FCHO2: variants seen among roughly 807,000 people sequenced by gnomAD.
FCHO2 encodes the protein FCH and mu domain containing endocytic adaptor 2.
In FCHO2, 43 loss-of-function variants were observed where a neutral mutation model predicts 114.1. That is an observed-to-expected ratio of 0.38 (90% confidence interval 0.30 to 0.49). FCHO2 has a LOEUF of 0.49. Among genes scored for constraint, FCHO2 ranks in the 20% least tolerant of loss-of-function variants. The pLI is 0.97. For missense variants in FCHO2, 807 were observed against 950.4 expected (o/e 0.85, Z 1.98); for synonymous variants, 293 against 315.2 (o/e 0.93, Z 0.75).
chr5:73,029,854 C>A (rs925897159), intron 8 of FCHO2, among the ~76,000 whole-genome samples: 1 of 152,124 alleles, frequency 6.6e-6, no homozygotes, highest in Admixed American at 6.5e-5. Flanking sequence ...ATGAAAGATC[C>A]TCCTGCATGA....
At chr5:72,963,613 A>T (rs1468220593) in intron 1 of FCHO2, among the ~76,000 whole-genome samples, 1 of 151,818 alleles carries the variant, frequency 6.6e-6, no homozygotes, top group East Asian at 1.9e-4. Flanking sequence ...CCCCATCACC[A>T]TCATAGCTCA....
chr5:73,032,012 A>G (rs1040736371), intron 8 of FCHO2, among the ~76,000 whole-genome samples: 9 of 152,252 alleles, frequency 5.9e-5, no homozygotes, highest in Non-Finnish European at 1.0e-4. Flanking sequence ...AAATAGCAGA[A>G]TGATGGGCAG....
intron 22 of FCHO2, among the ~76,000 whole-genome samples, chr5:73,078,823 T>G (rs1742999664): frequency 1.3e-5 from 2 of 152,216 alleles, no homozygotes; most frequent in South Asian, 2.1e-4. Context: ...GGTGGTCAGT[T>G]TAGTAATTAA....
At chr5:72,974,889 G>A (rs1752772260) in intron 2 of FCHO2, among the ~76,000 whole-genome samples, 1 of 152,022 alleles carries the variant, frequency 6.6e-6, no homozygotes, top group South Asian at 2.1e-4. Context: ...GCTCTTGTAG[G>A]GCAGGCCTGC....
chr5:73,029,787 TG>T (rs1293809482), intron 8 of FCHO2, among the ~76,000 whole-genome samples: 3 of 152,018 alleles, frequency 2.0e-5, no homozygotes, highest in African/African-American at 4.8e-5. Context: ...CCAGATCTTG[TG>T]TGAAATAACT....
chr5:73,011,783 C>T (rs750516886), intron 6 of FCHO2, among the ~76,000 whole-genome samples: 8 of 152,026 alleles, frequency 5.3e-5, no homozygotes, highest in African/African-American at 1.7e-4. Flanking sequence ...TGGTGGTACG[C>T]GCCTGTAATC....
chr5:73,039,104 A>G (rs764088669), intron 10 of FCHO2, among the ~76,000 whole-genome samples: 6 of 152,250 alleles, frequency 3.9e-5, no homozygotes, highest in Admixed American at 6.5e-5. Context: ...TAGAGCAGAA[A>G]GCCACTGCTT....
intron 17 of FCHO2, among the ~76,000 whole-genome samples, chr5:73,059,258 T>C (rs1203731615): frequency 2.0e-5 from 3 of 152,180 alleles, no homozygotes; most frequent in Non-Finnish European, 2.9e-5. Context: ...GCTGGAATCA[T>C]GCGGGAAGAA....
At chr5:73,053,554 T>C (rs1052901416) in intron 13 of FCHO2, among the ~76,000 whole-genome samples, 2 of 151,834 alleles carry the variant, frequency 1.3e-5, no homozygotes, top group Non-Finnish European at 2.9e-5. Context: ...AATTAGCCGG[T>C]CGTGGTGGCA....
intron 15 of FCHO2, among the ~76,000 whole-genome samples, chr5:73,054,821 C>T (rs963970358): frequency 3.3e-5 from 5 of 152,100 alleles, no homozygotes; most frequent in Admixed American, 6.5e-5. Context: ...GAATGTTAAA[C>T]GGTTTCACTG....
chr5:72,992,885 G>A (rs191784909), intron 5 of FCHO2, among the ~76,000 whole-genome samples: 11 of 151,832 alleles, frequency 7.2e-5, no homozygotes, highest in Non-Finnish European at 1.3e-4. Context: ...AATTCTAGGA[G>A]GTACCATTTA....
intron 11 of FCHO2, among the ~76,000 whole-genome samples, chr5:73,046,119 C>T (rs1171143984): frequency 6.6e-6 from 1 of 152,180 alleles, no homozygotes; most frequent in Non-Finnish European, 1.5e-5. Flanking sequence ...GGCTGGAGTG[C>T]GGTAGCACAA....
intron 24 of FCHO2, among the ~76,000 whole-genome samples, chr5:73,084,505 A>C (rs1743228237): frequency 6.6e-6 from 1 of 152,136 alleles, no homozygotes; most frequent in Non-Finnish European, 1.5e-5. Context: ...ACCTCAGTTG[A>C]TCTGCCAGCC....
At chr5:73,034,558 T>G (rs1561465364) in intron 8 of FCHO2, 99 bp from the exon 9 acceptor site, 6 of 868,504 alleles carry the variant, frequency 6.9e-6, no homozygotes, top group Non-Finnish European at 1.1e-5. Context: ...GCGTTGTCAA[T>G]TAAAAGTAGA....
intron 24 of FCHO2, among the ~76,000 whole-genome samples, chr5:73,084,745 GA>G (rs1743238449): frequency 6.6e-6 from 1 of 152,210 alleles, no homozygotes; most frequent in African/African-American, 2.4e-5. Context: ...CTGCCATGCA[GA>G]ATAAGACTTT....
At chr5:73,070,346 T>C (rs1427088643) in intron 19 of FCHO2, among the ~76,000 whole-genome samples, 2 of 152,158 alleles carry the variant, frequency 1.3e-5, no homozygotes, top group Non-Finnish European at 2.9e-5. Context: ...CACCATCTTA[T>C]TACCTTTGTG....
chr5:73,052,548 T>C (rs1037717287), intron 13 of FCHO2, 41 bp downstream of exon 13: 1 of 1,475,358 alleles, frequency 6.8e-7, no homozygotes, highest in African/African-American at 1.4e-5. Flanking sequence ...TAAAAGTCTT[T>C]ATTTTTCTTA....
chr5:72,974,544 T>C (rs983197036), intron 2 of FCHO2, among the ~76,000 whole-genome samples: 6 of 151,528 alleles, frequency 4.0e-5, no homozygotes, highest in Admixed American at 3.3e-4. Context: ...TTTTTTGTTT[T>C]CCATTTGCTT....
intron 8 of FCHO2, among the ~76,000 whole-genome samples, chr5:73,026,758 T>G (rs879898840): frequency 2.6e-5 from 4 of 152,230 alleles, no homozygotes; most frequent in Admixed American, 2.6e-4. Flanking sequence ...TGGCATGATC[T>G]CAGGCTCAGT....
Sources: gnomAD v4.1 joint callset for allele counts (sites outside exome capture counted in the v4.1 genomes callset) on GRCh38, gnomAD v4.1.1 for gene constraint, MANE v1.5 for transcripts, NCBI Gene and HGNC (gene_info 2026-07-23, HGNC 2026-07-21) for gene names.